DPP6: variants seen among roughly 807,000 people sequenced by gnomAD.
DPP6 encodes the protein dipeptidyl peptidase like 6, also known as A-type potassium channel modulatory protein DPP6.
In DPP6, 69 loss-of-function variants were observed where a neutral mutation model predicts 122.6. The ratio of observed to expected loss-of-function variants is 0.56; its 90% CI spans 0.46 to 0.69. DPP6 has a LOEUF of 0.69. Ranked by LOEUF, DPP6 falls within the 30% of genes least tolerant of loss-of-function variation. The pLI is 0.00. For missense variants in DPP6, 928 were observed against 1,116.9 expected (o/e 0.83, Z 2.41); for synonymous variants, 418 against 433.1 (o/e 0.97, Z 0.43).
At chr7:154,666,267 G>C (rs921508076) in intron 6 of DPP6, among the ~76,000 whole-genome samples, 1 of 148,254 alleles carries the variant, frequency 6.7e-6, no homozygotes, top group Admixed American at 6.7e-5. Context: ...TGTTAACTCT[G>C]ACATGGAAAT....
At chr7:153,980,130 T>A (rs1302663207) in intron 1 of DPP6, among the ~76,000 whole-genome samples, 1 of 152,218 alleles carries the variant, frequency 6.6e-6, no homozygotes, top group Admixed American at 6.5e-5. Flanking sequence ...TACCAGCTCC[T>A]CTTTGTACCT....
chr7:154,503,964 A>G (rs533774211), intron 3 of DPP6, among the ~76,000 whole-genome samples: 139 of 151,716 alleles, frequency 9.2e-4, no homozygotes, highest in Admixed American at 1.8e-3. Flanking sequence ...AAAGTTGATG[A>G]AAAAAAACCA....
At chr7:154,065,118 A>G (rs1418934921) in intron 1 of DPP6, among the ~76,000 whole-genome samples, 2 of 152,048 alleles carry the variant, frequency 1.3e-5, no homozygotes, top group East Asian at 3.9e-4. Flanking sequence ...CATTATCATG[A>G]CACACCATCC....
rs565864335 is a variant in DPP6 at position 154,013,722 on chromosome 7, C to T, written c.51+125988C>T. ...TTGTCTTTATCTTCTATGTTCTCTT[C>T]TCAGCTTCCTGTCTTGATTGGCATG... On this transcript the variant is annotated intron_variant, in intron 1 of 25. Transcript: ENST00000404039. Among the ~76,000 whole-genome samples, 4 of 152,166 alleles carry T rather than the reference C, an allele frequency of 2.6e-5. No homozygotes were observed. In the South Asian group the frequency reaches 8.3e-4, roughly 32 times the overall value.
In DPP6 at chr7:154,755,148, T is replaced by TAAAAAAAA. The variant is rs71803736; in HGVS notation, c.884-14260_884-14253dup. Among the ~76,000 whole-genome samples the TAAAAAAAA allele has an allele frequency of 7.6e-6, 1 of 131,580 alleles. No homozygotes were observed. The highest frequency in any genetic ancestry group is 2.7e-5 in the African/African-American group (1 of 36,566). 86.3% of individuals were successfully genotyped at this position (131,580 alleles called of 152,430 possible). ...TCCCAGAACTTAAAGTAAAATAAAT[T>TAAAAAAAA]AAAAAAAAAAAAAAAAGAAACTGAA... On this transcript the variant is annotated intron_variant, in intron 8 of 25. Transcript: ENST00000377770. This position sits in a 1 kb window ranked among gnomAD's most constrained non-coding sequence, Gnocchi z 4.7.
intron 10 of DPP6, chr7:154,793,539 T>C (rs1340861159): frequency 6.6e-6 from 1 of 152,372 alleles, no homozygotes; most frequent in Non-Finnish European, 1.5e-5. Flanking sequence ...CCTAATTAGC[T>C]AGAGAGTGTC....
At chr7:154,023,340 A>ACACG (rs1291280151) in intron 1 of DPP6, among the ~76,000 whole-genome samples, 2 of 151,802 alleles carry the variant, frequency 1.3e-5, no homozygotes, top group South Asian at 4.2e-4. Flanking sequence ...ACACACACAC[A>ACACG]CACACACACA....
chr7:153,916,592 A>G (rs976647708), intron 1 of DPP6, among the ~76,000 whole-genome samples: 6 of 151,526 alleles, frequency 4.0e-5, no homozygotes, highest in African/African-American at 1.5e-4. Context: ...TATTTTTAGT[A>G]GAAACGGGGT....
chr7:154,725,565 G>A (rs1289019118), intron 7 of DPP6, among the ~76,000 whole-genome samples: 1 of 152,124 alleles, frequency 6.6e-6, no homozygotes. Flanking sequence ...CCACCCCCAT[G>A]ATCCATTCAC....
chr7:154,767,582 C>T (rs1490904804), intron 8 of DPP6, among the ~76,000 whole-genome samples: 1 of 152,182 alleles, frequency 6.6e-6, no homozygotes, highest in South Asian at 2.1e-4. Context: ...CCTCCACAGG[C>T]CTCTGAGCTT....
chr7:154,247,260 C>T (rs1403476102), intron 1 of DPP6, among the ~76,000 whole-genome samples: 1 of 152,086 alleles, frequency 6.6e-6, no homozygotes, highest in Admixed American at 6.5e-5. Context: ...TTGCAGTGAG[C>T]CAAGATTGCA....
At chr7:154,456,543 A>T (rs984123301) in intron 2 of DPP6, among the ~76,000 whole-genome samples, 2 of 143,196 alleles carry the variant, frequency 1.4e-5, no homozygotes, top group Non-Finnish European at 3.0e-5. Flanking sequence ...GCCTTGAAGG[A>T]TGCGGTAGGC....
intron 1 of DPP6, among the ~76,000 whole-genome samples, chr7:154,119,236 T>C (rs1297329464): frequency 6.6e-6 from 1 of 152,220 alleles, no homozygotes; most frequent in Non-Finnish European, 1.5e-5. Flanking sequence ...GGGGCCATTA[T>C]GCTCTGGAGG....
chr7:154,892,632 C>A lies in DPP6; in HGVS notation c.*152C>A. The A allele has an allele frequency of 6.8e-7, 1 of 1,466,084 alleles. No individual in the cohort carries two copies. The highest frequency in any genetic ancestry group is 9.2e-7 in the Non-Finnish European group (1 of 1,083,332). The allele number at this position is 1,466,084 out of a possible 1,614,324, so 90.8% of individuals were successfully genotyped here. On this transcript the variant is annotated 3_prime_UTR_variant, in exon 26 of 26. Transcript: ENST00000377770. ...GTCTCGGATGCGGAAGGCAGTTTTG[C>A]TTGGGAAACAAGCTCCTTCCCCGGG...
At chr7:154,247,786 A>G (rs1258946727) in intron 1 of DPP6, among the ~76,000 whole-genome samples, 4 of 152,204 alleles carry the variant, frequency 2.6e-5, no homozygotes, top group Non-Finnish European at 5.9e-5. Flanking sequence ...CATGTCCATG[A>G]AAAGACTTGT....
intron 16 of DPP6, among the ~76,000 whole-genome samples, chr7:154,826,895 G>A (rs1296193287): frequency 1.3e-5 from 2 of 152,166 alleles, no homozygotes; most frequent in Non-Finnish European, 2.9e-5. Context: ...ATTAGTTAAT[G>A]TTAGACAGCT....
At chr7:154,312,819 G>C (rs1807026428) in intron 1 of DPP6, among the ~76,000 whole-genome samples, 1 of 152,196 alleles carries the variant, frequency 6.6e-6, no homozygotes. Context: ...GCTACCCACA[G>C]CAAGATGTGA....
intron 1 of DPP6, among the ~76,000 whole-genome samples, chr7:154,101,065 C>T (rs1805692947): frequency 7.8e-6 from 1 of 128,430 alleles, no homozygotes; most frequent in East Asian, 2.7e-4. Context: ...TCCAGAGGTC[C>T]GCCTCTTGTC....
intron 1 of DPP6, among the ~76,000 whole-genome samples, chr7:154,306,330 CT>C (rs898800285): frequency 9.2e-5 from 14 of 152,228 alleles, no homozygotes; most frequent in Non-Finnish European, 5.9e-5. Context: ...TCGTAATTCC[CT>C]CCTTGGAAGA....
Sources: gnomAD v4.1 joint callset for allele counts (sites outside exome capture counted in the v4.1 genomes callset) on GRCh38, gnomAD v4.1.1 for gene constraint, Gnocchi (gnomAD v3.1) non-coding constraint, MANE v1.5 for transcripts, NCBI Gene and HGNC (gene_info 2026-07-23, HGNC 2026-07-21) for gene names.